The following SYTL3 variants were observed in gnomAD, a reference collection of about 807,000 sequenced individuals.
SYTL3 encodes synaptotagmin-like protein 3.
In SYTL3, 88 loss-of-function variants were observed where a neutral mutation model predicts 82.1. That is an observed-to-expected ratio of 1.07 (90% CI 0.90 to 1.28). The LOEUF is 1.28. Ranked by LOEUF, SYTL3 falls within the 50% of genes most tolerant of loss-of-function variation. The probability of loss-of-function intolerance (pLI) is 0.00; values close to 1 mark genes in which losing one functional copy is unlikely to be tolerated. For synonymous variants in SYTL3, 311 were observed against 289.4 expected, an observed-to-expected ratio of 1.07 and a Z score of -0.76; for missense variants, 831 against 757.6, an observed-to-expected ratio of 1.10 and a Z score of -1.14.
At chr6:158,685,195 T>C (rs1779153516) in intron 6 of SYTL3, among the ~76,000 whole-genome samples, 1 of 146,886 alleles carries the variant, frequency 6.8e-6, no homozygotes, top group Non-Finnish European at 1.5e-5. Flanking sequence ...TTTTATTGCT[T>C]TTATGTCTCT....
rs1398064138 is a variant in SYTL3 at position 158,661,239 on chromosome 6, A to G, written c.-636-30A>G. 3 of 152,176 alleles carry G rather than the reference A, an allele frequency of 2.0e-5. No individual in the cohort carries two copies. The South Asian group carries it at 6.2e-4, about 32-fold the overall frequency. 9.4% of individuals were successfully genotyped at this position (152,176 alleles called of 1,614,324 possible). On this transcript the variant is annotated intron_variant, in intron 2 of 17. Transcript: ENST00000611299. ...CTTGCCACTTGGCACTTGGTCACACACAGTTTTCTATTACTTTCCTCTTTT... is the reference window on the plus strand; with the variant it reads ...CTTGCCACTTGGCACTTGGTCACACGCAGTTTTCTATTACTTTCCTCTTTT...
chr6:158,686,605 T>A (rs2128413458), intron 6 of SYTL3, among the ~76,000 whole-genome samples: 1 of 152,292 alleles, frequency 6.6e-6, no homozygotes, highest in African/African-American at 2.4e-5. Flanking sequence ...CGCTCCTATT[T>A]GTGGCCCTAA....
At chr6:158,763,256 A>G (rs750049508) in intron 16 of SYTL3, 48 bp from the exon 17 acceptor site, 2 of 1,570,108 alleles carry the variant, frequency 1.3e-6, no homozygotes, top group South Asian at 1.1e-5. Flanking sequence ...CTCAGGAGAG[A>G]AGGCCGTGTG....
Position 158,683,078 on chromosome 6 carries a change from A to G in SYTL3, c.394+89A>G, listed in dbSNP as rs556833663. 7.4e-6 allele frequency: 7 copies of G among 944,218 alleles called. No homozygotes were observed. In the South Asian group the frequency reaches 8.5e-5, roughly 11 times the overall value. 58.5% of individuals were successfully genotyped at this position (944,218 alleles called of 1,614,324 possible). A position where few individuals can be genotyped will look rare whatever the true frequency, so the allele number is the denominator to read the frequency against. ...GTTAAGACTTTGGAATATAAGCAAC[A>G]TGATGGGTGTAGTCTGCGGGCCCCT... On this transcript the variant is annotated intron_variant, in intron 6 of 17. Transcript: ENST00000611299.
chr6:158,722,700 G>T (rs1020459620), intron 10 of SYTL3, among the ~76,000 whole-genome samples: 1 of 151,746 alleles, frequency 6.6e-6, no homozygotes. Context: ...CGTCAGGAGG[G>T]GCTATCTCTG....
intron 6 of SYTL3, among the ~76,000 whole-genome samples, chr6:158,700,282 C>A (rs1011278896): frequency 1.3e-5 from 2 of 151,982 alleles, no homozygotes; most frequent in South Asian, 4.2e-4. Context: ...AACAAATAAA[C>A]AAAACATTTT....
chr6:158,725,667 T>TTTTTTTG lies in SYTL3; in HGVS notation c.855+44_855+50dup, dbSNP rs869027836. The TTTTTTTG allele has an allele frequency of 3.4e-6, 5 of 1,464,600 alleles. No individual in the cohort carries two copies. The East Asian group carries it at 1.1e-4, about 33-fold the overall frequency. 90.7% of individuals were successfully genotyped at this position (1,464,600 alleles called of 1,614,324 possible). Reference sequence around the variant, plus strand: ...GTCTCATTCCAATGCTCTTTTTTTGTTTTTTTGTTTTTTGTTTTTTTGGAA... The same window carrying TTTTTTTG: ...GTCTCATTCCAATGCTCTTTTTTTGTTTTTTTGTTTTTTGTTTTTTGTTTTTTTGGAA... On this transcript the variant is annotated intron_variant, in intron 11 of 17. Transcript: ENST00000611299.
intron 16 of SYTL3, among the ~76,000 whole-genome samples, chr6:158,762,539 T>C (rs947105173): frequency 2.6e-5 from 4 of 152,172 alleles, no homozygotes; most frequent in Non-Finnish European, 5.9e-5. Context: ...ATAGGTGCAT[T>C]GGCCCCTCTA....
intron 2 of SYTL3, among the ~76,000 whole-genome samples, chr6:158,657,876 CTT>C (rs35114756): frequency 6.8e-6 from 1 of 146,048 alleles, no homozygotes. Context: ...AGTTGCATTT[CTT>C]TTTTTTTTTT....
chr6:158,650,074 C>G lies in SYTL3; in HGVS notation c.-731C>G, dbSNP rs2128342008. On this transcript the variant is annotated 5_prime_UTR_variant, in exon 1 of 18. Transcript: ENST00000611299. Reference sequence around the variant, plus strand: ...CTGGTCTCTTCTCTTGAAGCAGATGCGAAGGTAGGATGAGAAGGCATGGCT... The same window carrying G: ...CTGGTCTCTTCTCTTGAAGCAGATGGGAAGGTAGGATGAGAAGGCATGGCT... 6.6e-6 allele frequency: 1 copy of G among 151,704 alleles called. No homozygotes were observed. The highest frequency in any genetic ancestry group is 2.1e-4 in the South Asian group (1 of 4,792). 9.4% of individuals were successfully genotyped at this position (151,704 alleles called of 1,614,324 possible).
chr6:158,680,840 C>T (rs1417545822), intron 5 of SYTL3, among the ~76,000 whole-genome samples: 2 of 151,710 alleles, frequency 1.3e-5, no homozygotes, highest in African/African-American at 4.9e-5. Flanking sequence ...ATGTACTAAT[C>T]AGAAAATAGT....
chr6:158,749,505 C>CTTTTTTTTTT (rs1217000691), intron 12 of SYTL3, among the ~76,000 whole-genome samples: 3 of 94,314 alleles, frequency 3.2e-5, no homozygotes, highest in African/African-American at 1.2e-4. Context: ...TTTTCTTTCT[C>CTTTTTTTTTT]TCTTTTTTTT....
intron 6 of SYTL3, among the ~76,000 whole-genome samples, chr6:158,693,096 T>G (rs1490696147): frequency 6.6e-6 from 1 of 152,270 alleles, no homozygotes; most frequent in Non-Finnish European, 1.5e-5. Flanking sequence ...AGGATGATTC[T>G]GTAAAGCTTT....
intron 11 of SYTL3, among the ~76,000 whole-genome samples, chr6:158,742,866 T>C (rs1787116586): frequency 6.6e-6 from 1 of 151,900 alleles, no homozygotes; most frequent in African/African-American, 2.4e-5. Context: ...GGATTACAGG[T>C]GTGAGCCACT....
At position 158,707,272 on chromosome 6, in the gene SYTL3, A is replaced by G. The variant is rs768236018; in HGVS notation, c.437A>G (p.Gln146Arg). Residue 146 changes from glutamine (Q) to arginine (R), a missense_variant, in exon 7 of 18, where the codon CAG becomes CGG. Physicochemically the swap from Gln to Arg is conservative, Grantham distance 43. Coordinates refer to ENST00000611299, the MANE Select transcript of SYTL3 (RefSeq NM_001242394.2). ...TVGGQLLQSY[Q>R]KLSKISVVPP... ...GGAGGGCAGCTCTTGCAATCTTATC[A>G]GAAGCTGAGGTGAGTGTTACAAAGG... 1.8e-5 allele frequency: 29 copies of G among 1,613,808 alleles called. No homozygotes were observed. The highest frequency in any genetic ancestry group is 2.5e-5 in the Non-Finnish European group (29 of 1,180,052).
Position 158,742,621 on chromosome 6 carries a change from G to A in SYTL3, c.856-2859G>A, listed in dbSNP as rs577011417. 4.0e-5 allele frequency among the ~76,000 whole-genome samples: 6 copies of A among 150,230 alleles called. 1 individual carries two copies. In the South Asian group the frequency reaches 1.3e-3, roughly 31 times the overall value. On this transcript the variant is annotated intron_variant, in intron 11 of 17. Coordinates refer to ENST00000611299, the MANE Select transcript of SYTL3 (RefSeq NM_001242394.2). ...GATGGAGTCTCGCTCTGTCACTCAA[G>A]CTGGAGTGCAGTGGTGTGATCTTGG...
chr6:158,676,230 G>C (rs1364050877), intron 5 of SYTL3, among the ~76,000 whole-genome samples: 1 of 152,188 alleles, frequency 6.6e-6, no homozygotes, highest in Non-Finnish European at 1.5e-5. Context: ...GAACAGAACA[G>C]AGCCCTCAGA....
chr6:158,645,810 T>C (rs950816539), upstream of SYTL3, among the ~76,000 whole-genome samples: 1 of 152,160 alleles, frequency 6.6e-6, no homozygotes, highest in Non-Finnish European at 1.5e-5. Flanking sequence ...GTTACTAAGT[T>C]GTCAGACTAT....
chr6:158,740,234 G>C (rs1283688309), intron 11 of SYTL3, among the ~76,000 whole-genome samples: 2 of 151,954 alleles, frequency 1.3e-5, no homozygotes, highest in African/African-American at 4.8e-5. Flanking sequence ...GACCTCAGAT[G>C]ATCTGCCTGC....
Sources: gnomAD v4.1 joint callset for allele counts (sites outside exome capture counted in the v4.1 genomes callset) on GRCh38, gnomAD v4.1.1 for gene constraint, MANE v1.5 for transcripts, NCBI Gene and HGNC (gene_info 2026-07-23, HGNC 2026-07-21) for gene names.